Variants in PRKN observed in about 807,000 individuals in gnomAD.
PRKN encodes the protein E3 ubiquitin-protein ligase parkin.
Under a neutral mutation model 59.5 loss-of-function variants are expected in PRKN, and 56 were observed. The observed-to-expected ratio is 0.94, with a 90% CI of 0.76 to 1.18. The LOEUF (loss-of-function observed/expected upper bound fraction) is 1.18, where lower values mean the gene tolerates loss of function less well. PRKN is among the 50% of genes most tolerant of loss of function. The pLI is 0.00. For missense variants in PRKN, 657 were observed against 596.4 expected, an observed-to-expected ratio of 1.10 and a Z score of -1.06; for synonymous variants, 250 against 222.1, an observed-to-expected ratio of 1.13 and a Z score of -1.12.
intron 2 of PRKN, among the ~76,000 whole-genome samples, chr6:162,316,440 A>G (rs1286044222): frequency 1.3e-5 from 2 of 152,104 alleles, no homozygotes; most frequent in East Asian, 1.9e-4. Context: ...AATAAGACCA[A>G]TTTAAGCATA....
At chr6:161,374,803 C>T (rs543943254) in intron 10 of PRKN, among the ~76,000 whole-genome samples, 6 of 142,066 alleles carry the variant, frequency 4.2e-5, no homozygotes, top group East Asian at 4.3e-4. Flanking sequence ...TTCCACATTG[C>T]GAACTTGTTC....
At chr6:162,327,277 A>G (rs185570568) in intron 2 of PRKN, among the ~76,000 whole-genome samples, 1 of 152,312 alleles carries the variant, frequency 6.6e-6, no homozygotes, top group East Asian at 1.9e-4. Context: ...AGTATTACTT[A>G]TCGTGTCAAT....
intron 1 of PRKN, among the ~76,000 whole-genome samples, chr6:162,661,967 C>G (rs1017134126): frequency 3.9e-5 from 6 of 152,096 alleles, no homozygotes; most frequent in African/African-American, 1.4e-4. Context: ...AACCCTCATC[C>G]CCTCCCACCT....
rs867690437 is a variant in PRKN at position 162,390,377 on chromosome 6, A to G, written c.171+52933T>C. On this transcript the variant is annotated intron_variant, in intron 2 of 11. Transcript: ENST00000366898. ...CACATGGTGATTATACTGCTAAGGT[A>G]TATATATATATATATATATACACAC... 1.5e-4 allele frequency among the ~76,000 whole-genome samples: 9 copies of G among 59,814 alleles called. 1 individual carries two copies. Among genetic ancestry groups the G allele is most frequent in the African/African-American group, 4.6e-4 (6 of 12,992 alleles). 39.2% of individuals were successfully genotyped at this position (59,814 alleles called of 152,430 possible).
rs74861748 is a variant in PRKN at position 162,099,851 on chromosome 6, T to C, written c.535-45677A>G. Among the ~76,000 whole-genome samples, 997 of 152,316 alleles carry C rather than the reference T, an allele frequency of 6.5e-3. 8 individuals carry two copies. The highest frequency in any genetic ancestry group is 0.022 in the African/African-American group (935 of 41,572). On this transcript the variant is annotated intron_variant, in intron 4 of 11. Transcript: ENST00000366898. ...TAACTACAGTCACCATATTGTGCAATACTGTGCAATACATCACTTTTTCCT... is the reference window on the plus strand; with the variant it reads ...TAACTACAGTCACCATATTGTGCAACACTGTGCAATACATCACTTTTTCCT...
rs80311379 is a variant in PRKN, at chr6:162,064,746, A to G, written c.535-10572T>C. Among the ~76,000 whole-genome samples, 1,351 of 152,388 alleles carry G rather than the reference A, an allele frequency of 8.9e-3. 20 individuals are homozygous for G. The highest frequency in any genetic ancestry group is 0.03 in the African/African-American group (1,267 of 41,598). ...CTGAAAAATCTGTATTTTCAAAGTT[A>G]CATTTTCTTTTAAGCAGGGTACTTT... On this transcript the variant is annotated intron_variant, in intron 4 of 11. Transcript: ENST00000366898.
chr6:161,729,887 ATATTCTGGCATGTTGCATTCT>A (rs1787603161), intron 7 of PRKN, among the ~76,000 whole-genome samples: 27 of 148,520 alleles, frequency 1.8e-4, no homozygotes, highest in African/African-American at 6.8e-4. Flanking sequence ...GATGTGTTGC[ATATTCTGGCATGTTGCATTCT>A]TTCTGATGTG....
intron 7 of PRKN, among the ~76,000 whole-genome samples, chr6:161,606,530 A>G (rs1782288760): frequency 6.6e-6 from 1 of 152,230 alleles, no homozygotes; most frequent in Non-Finnish European, 1.5e-5. Context: ...ATTGGTGCAG[A>G]AGGGAAATAA....
At chr6:162,614,643 G>A (rs983731795) in intron 1 of PRKN, among the ~76,000 whole-genome samples, 1 of 152,110 alleles carries the variant, frequency 6.6e-6, no homozygotes, top group African/African-American at 2.4e-5. Flanking sequence ...GGAAAGGAAG[G>A]TTAGGCACTA....
intron 4 of PRKN, among the ~76,000 whole-genome samples, chr6:162,135,722 GA>G (rs1562533662): frequency 6.6e-6 from 1 of 152,068 alleles, no homozygotes; most frequent in African/African-American, 2.4e-5. Flanking sequence ...AGAGAAGGTA[GA>G]AGGTGAAAGG....
chr6:162,323,440 A>C (rs1431016803), intron 2 of PRKN, among the ~76,000 whole-genome samples: 1 of 103,276 alleles, frequency 9.7e-6, no homozygotes, highest in Non-Finnish European at 2.1e-5. Context: ...TAAAGACTTC[A>C]AATTTAAAGA....
chr6:162,090,185 A>T (rs1583017109), intron 4 of PRKN, among the ~76,000 whole-genome samples: 1 of 152,048 alleles, frequency 6.6e-6, no homozygotes, highest in East Asian at 1.9e-4. Context: ...TGTGTGTATC[A>T]GATCATTATA....
chr6:162,695,754 T>C (rs945054808), intron 1 of PRKN, among the ~76,000 whole-genome samples: 2 of 152,160 alleles, frequency 1.3e-5, no homozygotes, highest in African/African-American at 2.4e-5. Context: ...CAAAAATAAT[T>C]GGGCCTTGGT....
intron 2 of PRKN, among the ~76,000 whole-genome samples, chr6:162,333,921 G>GA (rs1299635951): frequency 6.6e-6 from 1 of 152,146 alleles, no homozygotes; most frequent in African/African-American, 2.4e-5. Context: ...ACACACAAAC[G>GA]AAACGAAAGC....
intron 6 of PRKN, among the ~76,000 whole-genome samples, chr6:161,929,754 T>G (rs1247970106): frequency 6.6e-6 from 1 of 152,074 alleles, no homozygotes; most frequent in Non-Finnish European, 1.5e-5. Flanking sequence ...CCACAAATGA[T>G]CTACCTGCCT....
At chr6:162,295,119 C>T (rs1410254116) in intron 2 of PRKN, among the ~76,000 whole-genome samples, 1 of 152,200 alleles carries the variant, frequency 6.6e-6, no homozygotes, top group Non-Finnish European at 1.5e-5. Flanking sequence ...AAGCGGCATG[C>T]ACGCAGCCTC....
chr6:161,509,972 C>T (rs926867913), intron 9 of PRKN, among the ~76,000 whole-genome samples: 1 of 151,732 alleles, frequency 6.6e-6, no homozygotes, highest in Non-Finnish European at 1.5e-5. Flanking sequence ...TGCAGCTCAA[C>T]CCTGTGTGGG....
chr6:161,371,898 C>CA lies in PRKN; in HGVS notation c.1168-11694dup, dbSNP rs1785458488. Among the ~76,000 whole-genome samples the CA allele has an allele frequency of 6.6e-6, 1 of 152,156 alleles. No individual in the cohort carries two copies. The highest frequency in any genetic ancestry group is 1.5e-5 in the Non-Finnish European group (1 of 68,038). ...AGGTGATCTGCCTGCCTCGGCCTCCCAAAGTGCTGGGATTACAGGCATGAG... is the reference window on the plus strand; with the variant it reads ...AGGTGATCTGCCTGCCTCGGCCTCCCAAAAGTGCTGGGATTACAGGCATGAG... On this transcript the variant is annotated intron_variant, in intron 10 of 11. Transcript: ENST00000366898. This position sits in a 1 kb window ranked among gnomAD's most constrained non-coding sequence, Gnocchi z 5.5.
intron 7 of PRKN, among the ~76,000 whole-genome samples, chr6:161,655,885 T>TAC (rs376047879): frequency 0.036 from 2,042 of 56,800 alleles, 14 homozygotes; most frequent in East Asian, 0.092. Context: ...CACACACACA[T>TAC]ACACACACAC....
Sources: allele counts gnomAD v4.1 joint callset (sites outside exome capture counted in the v4.1 genomes callset), GRCh38; gene constraint gnomAD v4.1.1; non-coding constraint Gnocchi (gnomAD v3.1); transcripts MANE v1.5; gene names NCBI Gene and HGNC (gene_info 2026-07-23, HGNC 2026-07-21).